The following CSPG5 variants were observed in gnomAD, a reference collection of about 807,000 sequenced individuals.
CSPG5 encodes acidic leucine-rich EGF-like domain-containing brain protein.
Under a neutral mutation model 39.8 loss-of-function variants are expected in CSPG5, and 25 were observed. The ratio of observed to expected loss-of-function variants is 0.63; its 90% confidence interval spans 0.46 to 0.88. CSPG5 has a LOEUF of 0.88. Among genes scored for constraint, CSPG5 ranks in the 40% least tolerant of loss-of-function variants. The pLI is 0.00. For synonymous variants in CSPG5, 295 were observed against 303.9 expected (o/e 0.97, Z 0.31); for missense variants, 627 against 702.2 (o/e 0.89, Z 1.21).
At position 47,572,928 on chromosome 3, in the gene CSPG5, A is replaced by C. The variant is rs917392880; in HGVS notation, c.1194-54T>G. The C allele has an allele frequency of 2.0e-6, 3 of 1,518,336 alleles. No homozygotes were observed. The highest frequency in any genetic ancestry group is 2.7e-6 in the Non-Finnish European group (3 of 1,110,964). 94.1% of individuals were successfully genotyped at this position (1,518,336 alleles called of 1,614,324 possible). On this transcript the variant is annotated intron_variant, in intron 2 of 4. Transcript: ENST00000264723. The surrounding 1 kb of genome is among the most constrained non-coding windows in gnomAD (Gnocchi z 4.5). ...CGATGGAGCAGGCAGCCACGGCCAC[A>C]GTAAGGGCCTGGGCCCTGACCCCAA...
At chr3:47,564,802 C>T (rs965715329) in intron 4 of CSPG5, among the ~76,000 whole-genome samples, 3 of 151,936 alleles carry the variant, frequency 2.0e-5, no homozygotes, top group South Asian at 2.1e-4. Flanking sequence ...TATATACACA[C>T]GTGTGTACTT....
intron 4 of CSPG5, among the ~76,000 whole-genome samples, chr3:47,565,261 C>T (rs1274069197): frequency 6.6e-6 from 1 of 152,052 alleles, no homozygotes; most frequent in Non-Finnish European, 1.5e-5. Flanking sequence ...AGAAGCATAT[C>T]CCAAAAGCAA....
chr3:47,578,036 AC>A lies in CSPG5; in HGVS notation c.98-109del. 1 of 1,321,188 alleles carries A rather than the reference AC, an allele frequency of 7.6e-7. No individual in the cohort carries two copies. The highest frequency in any genetic ancestry group is 9.6e-7 in the Non-Finnish European group (1 of 1,041,068). The allele number at this position is 1,321,188 out of a possible 1,614,324, so 81.8% of individuals were successfully genotyped here. A position where few individuals can be genotyped will look rare whatever the true frequency, so the allele number is the denominator to read the frequency against. ...GCTCGCCTAGACCTGGTCAACCCAG[AC>A]CTCGCCACCCTCAGACCCCACCGCC... On this transcript the variant is annotated intron_variant, in intron 1 of 4. Coordinates refer to ENST00000264723, the MANE Select transcript of CSPG5 (RefSeq NM_006574.4). This position sits in a 1 kb window ranked among gnomAD's most constrained non-coding sequence, Gnocchi z 6.0.
At chr3:47,571,046 A>G (rs960331666) in intron 3 of CSPG5, among the ~76,000 whole-genome samples, 2 of 150,996 alleles carry the variant, frequency 1.3e-5, no homozygotes, top group Non-Finnish European at 2.9e-5. Flanking sequence ...TGAGCCCAGG[A>G]GTTCAAGACC....
At chr3:47,579,546 A>C (rs1399808042), upstream of CSPG5, 1 of 152,194 alleles carries the variant, frequency 6.6e-6, no homozygotes, top group Non-Finnish European at 1.5e-5. The surrounding 1 kb of genome is among the most constrained non-coding windows in gnomAD (Gnocchi z 4.2). Context: ...AAGGGGTAAG[A>C]CCCTCCCTGG....
chr3:47,565,879 G>A (rs1225801297), intron 4 of CSPG5, among the ~76,000 whole-genome samples: 1 of 152,186 alleles, frequency 6.6e-6, no homozygotes, highest in Non-Finnish European at 1.5e-5. Flanking sequence ...CAGTGTGCCT[G>A]GAGCACGGGC....
intron 3 of CSPG5, among the ~76,000 whole-genome samples, chr3:47,570,585 C>A (rs896445510): frequency 2.0e-5 from 3 of 151,736 alleles, no homozygotes; most frequent in African/African-American, 7.3e-5. Flanking sequence ...TCTCGGCTCA[C>A]CGCAACCTCC....
rs997750488 is a variant in CSPG5 at position 47,578,469 on chromosome 3, G to A, written c.97+128C>T. On this transcript the variant is annotated intron_variant, in intron 1 of 4. Transcript: ENST00000264723. This position sits in a 1 kb window ranked among gnomAD's most constrained non-coding sequence, Gnocchi z 6.0. ...ACCTCCTGGGACCATTCCGCCGCCC[G>A]GCCGCGGCCAGGCGGTGCCCCGCCC... is the stretch of plus-strand genomic sequence containing the variant. 2 of 223,722 alleles carry A rather than the reference G, an allele frequency of 8.9e-6. No individual in the cohort carries two copies. The highest frequency in any genetic ancestry group is 1.6e-5 in the Non-Finnish European group (2 of 121,534). 13.9% of individuals were successfully genotyped at this position (223,722 alleles called of 1,614,324 possible). A position where few individuals can be genotyped will look rare whatever the true frequency, so the allele number is the denominator to read the frequency against.
At position 47,577,766 on chromosome 3, in the gene CSPG5, T is replaced by A; in HGVS notation, c.260A>T (p.Glu87Val). The change falls in exon 2 of 5, where the codon GAG (glutamate) becomes GTG (valine). Residue 87 changes from glutamate (E) to valine (V), a missense_variant. Glu to Val is a moderately radical substitution (Grantham distance 121). Transcript: ENST00000264723. The surrounding 1 kb of genome is among the most constrained non-coding windows in gnomAD (Gnocchi z 4.7). ...CACCGCAGCCGACTCCTGCAGCACCTCTTCTGGCCCGGCCAGCTCGCCACC... is the reference window on the plus strand; with the variant it reads ...CACCGCAGCCGACTCCTGCAGCACCACTTCTGGCCCGGCCAGCTCGCCACC... ...APGGELAGPE[E>V]VLQESAAVTG... 1.3e-6 allele frequency: 2 copies of A among 1,588,284 alleles called. No homozygotes were observed. The highest frequency in any genetic ancestry group is 1.7e-6 in the Non-Finnish European group (2 of 1,174,116).
chr3:47,574,207 T>C (rs1028490860), intron 2 of CSPG5, among the ~76,000 whole-genome samples: 2 of 152,150 alleles, frequency 1.3e-5, no homozygotes, highest in African/African-American at 4.8e-5. Flanking sequence ...CCATGTAGCT[T>C]ACTGAGGAAG....
chr3:47,562,345 G>T lies in CSPG5; in HGVS notation c.*255C>A, dbSNP rs1241337079. 1 of 327,168 alleles carries T rather than the reference G, an allele frequency of 3.1e-6. No homozygotes were observed. Among genetic ancestry groups the T allele is most frequent in the Non-Finnish European group, 5.5e-6 (1 of 182,818 alleles). 20.3% of individuals were successfully genotyped at this position (327,168 alleles called of 1,614,324 possible). A position where few individuals can be genotyped will look rare whatever the true frequency, so the allele number is the denominator to read the frequency against. ...TCAGTTGAATAACAGCACAGGTTTA[G>T]AAATCACAGCAGCAGAAGCAATGTA... is the stretch of plus-strand genomic sequence containing the variant. On this transcript the variant is annotated 3_prime_UTR_variant, in exon 5 of 5. Transcript: ENST00000264723.
At position 47,576,980 on chromosome 3, in the gene CSPG5, T is replaced by A; in HGVS notation, c.1046A>T (p.Asp349Val). Residue 349 changes from aspartate (D) to valine (V), a missense_variant, in exon 2 of 5, where the codon GAC (aspartate) becomes GTC (valine). Coordinates refer to ENST00000264723, the MANE Select transcript of CSPG5 (RefSeq NM_006574.4). Reference sequence around the variant, plus strand: ...AGTGCCATTTTCACTGGAGGCCAAGTCCCTGCCTGGCTCTCCTGGGCGGGG... The same window carrying A: ...AGTGCCATTTTCACTGGAGGCCAAGACCCTGCCTGGCTCTCCTGGGCGGGG... ...LRPRPGEPGR[D>V]LASSENGTEC... is the part of the protein sequence containing the mutation. The A allele has an allele frequency of 6.2e-7, 1 of 1,613,746 alleles. No individual in the cohort carries two copies. The highest frequency in any genetic ancestry group is 8.5e-7 in the Non-Finnish European group (1 of 1,179,832).
Position 47,572,615 on chromosome 3 carries a change from G to T in CSPG5, c.1382+71C>A. 7.6e-7 allele frequency: 1 copy of T among 1,311,168 alleles called. No individual in the cohort carries two copies. The highest frequency in any genetic ancestry group is 1.1e-6 in the Non-Finnish European group (1 of 919,858). 81.2% of individuals were successfully genotyped at this position (1,311,168 alleles called of 1,614,324 possible). ...CACGACAAAGTCCCTGGATCAGTTG[G>T]AGGGGTGCAGCAGCGTCGGGGGGCC... On this transcript the variant is annotated intron_variant, in intron 3 of 4. Coordinates refer to ENST00000264723, the MANE Select transcript of CSPG5 (RefSeq NM_006574.4). This position sits in a 1 kb window ranked among gnomAD's most constrained non-coding sequence, Gnocchi z 4.5.
At chr3:47,562,803 C>A in intron 4 of CSPG5, 42 bp from the exon 5 acceptor site, 1 of 1,465,408 alleles carries the variant, frequency 6.8e-7, no homozygotes, top group Non-Finnish European at 9.4e-7. Flanking sequence ...ACAATGCATA[C>A]AGCAACCAAA....
intron 2 of CSPG5, among the ~76,000 whole-genome samples, chr3:47,573,767 C>T (rs1278563487): frequency 6.6e-6 from 1 of 152,230 alleles, no homozygotes; most frequent in Non-Finnish European, 1.5e-5. Context: ...CTGGCTACTC[C>T]ACATCTAGAA....
At chr3:47,567,297 G>C (rs972526968) in intron 4 of CSPG5, among the ~76,000 whole-genome samples, 1 of 152,114 alleles carries the variant, frequency 6.6e-6, no homozygotes, top group African/African-American at 2.4e-5. Context: ...ATGGAACTGA[G>C]AGCCCCCATA....
At chr3:47,567,995 C>A (rs2031378723) in intron 4 of CSPG5, among the ~76,000 whole-genome samples, 1 of 152,170 alleles carries the variant, frequency 6.6e-6, no homozygotes, top group Non-Finnish European at 1.5e-5. Context: ...CCGCAAGTGG[C>A]TAGTGGCTGT....
chr3:47,575,838 C>T lies in CSPG5; in HGVS notation c.1193+995G>A, dbSNP rs566531941. Reference sequence around the variant, plus strand: ...CCCACAGAGTAGGTTTATGGGCCTACCCCTCTCACCAGTACCACCAGAACC... The same window carrying T: ...CCCACAGAGTAGGTTTATGGGCCTATCCCTCTCACCAGTACCACCAGAACC... On this transcript the variant is annotated intron_variant, in intron 2 of 4. Transcript: ENST00000264723. Among the ~76,000 whole-genome samples the T allele has an allele frequency of 1.4e-4, 21 of 152,200 alleles. No individual in the cohort carries two copies. In the South Asian group the frequency reaches 4.2e-3, roughly 30 times the overall value.
upstream of CSPG5, chr3:47,579,578 C>T (rs2031917394): frequency 6.6e-6 from 1 of 152,434 alleles, no homozygotes; most frequent in Non-Finnish European, 1.5e-5. This position sits in a 1 kb window ranked among gnomAD's most constrained non-coding sequence, Gnocchi z 4.2. Context: ...CCTCGCCTTC[C>T]TTCTAGTCTC....
Sources: gnomAD v4.1 joint callset for allele counts (sites outside exome capture counted in the v4.1 genomes callset) on GRCh38, gnomAD v4.1.1 for gene constraint, Gnocchi (gnomAD v3.1) non-coding constraint, MANE v1.5 for transcripts, NCBI Gene and HGNC (gene_info 2026-07-23, HGNC 2026-07-21) for gene names.